Variants in MAGI2 observed in about 807,000 individuals in gnomAD.
The protein encoded by MAGI2 is membrane associated guanylate kinase, WW and PDZ domain containing 2, also known as membrane-associated guanylate kinase, WW and PDZ domain-containing protein 2.
A neutral mutation model predicts 133.3 loss-of-function variants in MAGI2; 35 were observed. The observed-to-expected ratio is 0.26, with a 90% confidence interval of 0.20 to 0.35. The LOEUF (loss-of-function observed/expected upper bound fraction) is 0.35, where lower values mean the gene tolerates loss of function less well. Ranked by LOEUF, MAGI2 falls within the 10% of genes least tolerant of loss-of-function variation. MAGI2 has a pLI of 1.00. For missense variants in MAGI2, 1,636 were observed against 1,863.4 expected, an observed-to-expected ratio of 0.88 and a Z score of 2.25; for synonymous variants, 729 against 710.6, an observed-to-expected ratio of 1.03 and a Z score of -0.41.
At chr7:78,285,079 C>T (rs548419676) in intron 9 of MAGI2, among the ~76,000 whole-genome samples, 1 of 152,182 alleles carries the variant, frequency 6.6e-6, no homozygotes, top group South Asian at 2.1e-4. Context: ...ACTTAGGAGA[C>T]AGCTTTTATG....
At chr7:79,175,119 A>G (rs549105784) in intron 1 of MAGI2, among the ~76,000 whole-genome samples, 1 of 151,946 alleles carries the variant, frequency 6.6e-6, no homozygotes, top group Non-Finnish European at 1.5e-5. Context: ...CAGAAGATAC[A>G]TGCTTTCATT....
intron 2 of MAGI2, among the ~76,000 whole-genome samples, chr7:78,661,898 C>T (rs753098244): frequency 6.6e-6 from 1 of 152,138 alleles, no homozygotes; most frequent in Non-Finnish European, 1.5e-5. Context: ...GGAGTCTACA[C>T]TTCAGAAGAA....
At chr7:78,351,533 G>T (rs989595332) in intron 7 of MAGI2, among the ~76,000 whole-genome samples, 1 of 151,832 alleles carries the variant, frequency 6.6e-6, no homozygotes, top group African/African-American at 2.4e-5. Flanking sequence ...TGTGGCTCAG[G>T]ATGACCACAA....
intron 10 of MAGI2, among the ~76,000 whole-genome samples, chr7:78,202,410 C>T (rs1037677428): frequency 2.6e-5 from 4 of 152,098 alleles, no homozygotes; most frequent in Non-Finnish European, 5.9e-5. Context: ...GGGCCGGGTG[C>T]AGTGGCTCAC....
chr7:78,271,015 T>C (rs1794514952), intron 9 of MAGI2, among the ~76,000 whole-genome samples: 1 of 152,068 alleles, frequency 6.6e-6, no homozygotes, highest in Admixed American at 6.6e-5. Context: ...ATAGGAGTGG[T>C]GAGAGAGGGC....
At chr7:78,152,907 A>C (rs1479076768) in intron 16 of MAGI2, among the ~76,000 whole-genome samples, 1 of 152,108 alleles carries the variant, frequency 6.6e-6, no homozygotes, top group African/African-American at 2.4e-5. Context: ...GCAGGGATTC[A>C]TTTAAGGAAT....
rs534432299 is a variant in MAGI2, at chr7:78,317,630, G to C, written c.1408+26148C>G. Among the ~76,000 whole-genome samples the C allele has an allele frequency of 2.1e-3, 318 of 152,280 alleles. 1 individual carries two copies. Among genetic ancestry groups the C allele is most frequent in the African/African-American group, 7.1e-3 (295 of 41,574 alleles). On this transcript the variant is annotated intron_variant, in intron 9 of 21. Transcript: ENST00000354212. Reference sequence around the variant, plus strand: ...CAGCGGATCTCCCAGCACAGCATTCGAGCTCTGATAAGGGACAGACTGCCT... The same window carrying C: ...CAGCGGATCTCCCAGCACAGCATTCCAGCTCTGATAAGGGACAGACTGCCT...
At chr7:79,111,790 C>T (rs1818946537) in intron 1 of MAGI2, among the ~76,000 whole-genome samples, 3 of 152,066 alleles carry the variant, frequency 2.0e-5, no homozygotes, top group Non-Finnish European at 2.9e-5. Context: ...CCTCAGCCTC[C>T]CAAGTAGCTG....
At chr7:78,328,529 A>ACACACACACACACACACACACACACACC (rs1408831333) in intron 9 of MAGI2, among the ~76,000 whole-genome samples, 1 of 99,776 alleles carries the variant, frequency 1.0e-5, no homozygotes, top group Admixed American at 9.6e-5. Flanking sequence ...ACACACACAC[A>ACACACACACACACACACACACACACACC]CCCCTCTCTC....
intron 1 of MAGI2, among the ~76,000 whole-genome samples, chr7:79,409,464 GT>G (rs113037002): frequency 1.6e-4 from 24 of 145,942 alleles, no homozygotes; most frequent in African/African-American, 3.5e-4. Context: ...TTTTCTTTCT[GT>G]TTTTTTTTTC....
intron 2 of MAGI2, among the ~76,000 whole-genome samples, chr7:78,870,806 A>G (rs1794970309): frequency 6.6e-6 from 1 of 152,224 alleles, no homozygotes; most frequent in Admixed American, 6.5e-5. Context: ...CTAAATGCCC[A>G]TCAACCAACA....
chr7:78,862,128 A>G (rs147226293), intron 2 of MAGI2, among the ~76,000 whole-genome samples: 4 of 152,270 alleles, frequency 2.6e-5, no homozygotes, highest in Admixed American at 2.6e-4. Flanking sequence ...TTTTTTATTC[A>G]TATTTGTTTC....
intron 21 of MAGI2, among the ~76,000 whole-genome samples, chr7:78,068,898 A>G (rs1814139366): frequency 6.6e-6 from 1 of 152,142 alleles, no homozygotes; most frequent in East Asian, 1.9e-4. Flanking sequence ...TAATGTCTCT[A>G]TTTCAAGACA....
chr7:78,023,062 T>G (rs1317814643), intron 21 of MAGI2, among the ~76,000 whole-genome samples: 3 of 152,200 alleles, frequency 2.0e-5, no homozygotes, highest in Non-Finnish European at 4.4e-5. Context: ...AACTCTTCAG[T>G]TCAGTACGAA....
At chr7:78,290,480 T>C (rs963998865) in intron 9 of MAGI2, among the ~76,000 whole-genome samples, 6 of 152,016 alleles carry the variant, frequency 3.9e-5, no homozygotes, top group Non-Finnish European at 7.4e-5. Flanking sequence ...AGACTTAGAC[T>C]CCCACACAAT....
At chr7:78,238,599 G>A (rs370844363) in intron 10 of MAGI2, among the ~76,000 whole-genome samples, 3 of 151,852 alleles carry the variant, frequency 2.0e-5, no homozygotes, top group African/African-American at 7.3e-5. Flanking sequence ...AGTAAATCCT[G>A]TGGCTCTGCT....
chr7:79,409,002 G>A (rs1845981603), intron 1 of MAGI2, among the ~76,000 whole-genome samples: 1 of 152,038 alleles, frequency 6.6e-6, no homozygotes, highest in Non-Finnish European at 1.5e-5. Flanking sequence ...CCTCATAGAT[G>A]GAACTTGATT....
intron 1 of MAGI2, among the ~76,000 whole-genome samples, chr7:79,233,789 T>C (rs1317818581): frequency 1.0e-4 from 14 of 134,316 alleles, no homozygotes; most frequent in South Asian, 5.2e-4. Context: ...ATTTAGTCCA[T>C]TTACATTTAA....
chr7:78,841,882 G>A (rs1023684632), intron 2 of MAGI2, among the ~76,000 whole-genome samples: 1 of 151,898 alleles, frequency 6.6e-6, no homozygotes, highest in East Asian at 1.9e-4. Flanking sequence ...CACCCAAGGA[G>A]CTTCTACTGT....
Sources: gnomAD v4.1 joint callset for allele counts (sites outside exome capture counted in the v4.1 genomes callset) on GRCh38, gnomAD v4.1.1 for gene constraint, MANE v1.5 for transcripts, NCBI Gene and HGNC (gene_info 2026-07-23, HGNC 2026-07-21) for gene names.